Variants in ROBO2 observed in about 807,000 individuals in gnomAD.
ROBO2 encodes the protein roundabout homolog 2.
A neutral mutation model predicts 160.8 loss-of-function variants in ROBO2; 53 were observed. The ratio of observed to expected loss-of-function variants is 0.33; its 90% CI spans 0.26 to 0.41. ROBO2 has a LOEUF of 0.41. Among genes scored for constraint, ROBO2 ranks in the 10% least tolerant of loss-of-function variants. The pLI is 1.00. For synonymous variants in ROBO2, 664 were observed against 611.7 expected (o/e 1.09, Z -1.26); for missense variants, 1,577 against 1,722.4 (o/e 0.92, Z 1.49).
intron 2 of ROBO2, among the ~76,000 whole-genome samples, chr3:77,384,753 T>C (rs2073923418): frequency 6.6e-6 from 1 of 152,152 alleles, no homozygotes; most frequent in Non-Finnish European, 1.5e-5. Context: ...AGTCACAAAG[T>C]ATATATAAAT....
At chr3:76,309,808 A>G (rs1315765830) in intron 2 of ROBO2, among the ~76,000 whole-genome samples, 2 of 152,100 alleles carry the variant, frequency 1.3e-5, no homozygotes, top group East Asian at 3.9e-4. Context: ...CAAAGATTCT[A>G]TCATTTTTAT....
At chr3:76,176,405 G>T (rs2073232646) in intron 2 of ROBO2, among the ~76,000 whole-genome samples, 1 of 152,114 alleles carries the variant, frequency 6.6e-6, no homozygotes, top group African/African-American at 2.4e-5. Flanking sequence ...CAGCTTTCCA[G>T]TTGTTCATAG....
rs189290302 is a variant in ROBO2, at chr3:75,998,377, A to G, written c.109+60775A>G. ...CTCCCTCAGAAAGTTGTGACCAATC[A>G]GGGTTTTAATAGACTGCAGTTTTTG... is the stretch of plus-strand genomic sequence containing the variant. On this transcript the variant is annotated intron_variant, in intron 2 of 26. Coordinates refer to the ROBO2 transcript ENST00000487694. 2.0e-5 allele frequency among the ~76,000 whole-genome samples: 3 copies of G among 152,284 alleles called. No homozygotes were observed. In the East Asian group the frequency reaches 5.8e-4, roughly 29 times the overall value.
At chr3:75,961,192 C>CT (rs927134423) in intron 2 of ROBO2, among the ~76,000 whole-genome samples, 8 of 151,418 alleles carry the variant, frequency 5.3e-5, no homozygotes, top group South Asian at 4.2e-4. Context: ...GAGAATGGCA[C>CT]TTTTTTTTAT....
chr3:76,764,242 C>T (rs928581558), intron 2 of ROBO2, among the ~76,000 whole-genome samples: 1 of 138,850 alleles, frequency 7.2e-6, no homozygotes, highest in Non-Finnish European at 1.5e-5. Context: ...AAACATGTCA[C>T]GGCTAAGTTA....
intron 1 of ROBO2, among the ~76,000 whole-genome samples, chr3:77,060,575 C>A (rs1278986038): frequency 6.6e-6 from 1 of 152,134 alleles, no homozygotes; most frequent in Non-Finnish European, 1.5e-5. Flanking sequence ...ATATTGATCA[C>A]TTTGAGCTAA....
chr3:76,853,680 A>C (rs2069671707), intron 2 of ROBO2, among the ~76,000 whole-genome samples: 1 of 152,138 alleles, frequency 6.6e-6, no homozygotes, highest in African/African-American at 2.4e-5. Context: ...ACCCCCAAAT[A>C]ATCAAAGACC....
At chr3:75,970,331 C>T (rs1452644819) in intron 2 of ROBO2, among the ~76,000 whole-genome samples, 2 of 151,486 alleles carry the variant, frequency 1.3e-5, no homozygotes, top group Non-Finnish European at 3.0e-5. Context: ...GGAGCAAGCA[C>T]ATTTTTGAAG....
intron 2 of ROBO2, among the ~76,000 whole-genome samples, chr3:77,441,663 A>C (rs892167899): frequency 6.6e-6 from 1 of 152,188 alleles, no homozygotes; most frequent in Non-Finnish European, 1.5e-5. Flanking sequence ...CTGAAGAAAA[A>C]TGATCACACA....
intron 2 of ROBO2, among the ~76,000 whole-genome samples, chr3:76,450,355 T>C (rs17014200): frequency 0.047 from 7,140 of 152,310 alleles, 508 homozygotes; most frequent in African/African-American, 0.15. Flanking sequence ...CTTGTATAAC[T>C]AATTTTCAGT....
chr3:76,427,260 C>A (rs575553615), intron 2 of ROBO2, among the ~76,000 whole-genome samples: 17 of 150,988 alleles, frequency 1.1e-4, no homozygotes, highest in African/African-American at 2.9e-4. Context: ...ACCTTTAATG[C>A]CTAAAAAAAA....
At chr3:76,579,786 C>CAAAAAAA (rs5850267) in intron 2 of ROBO2, among the ~76,000 whole-genome samples, 21 of 107,124 alleles carry the variant, frequency 2.0e-4, no homozygotes, top group Non-Finnish European at 3.1e-4. Context: ...GGTTGAGTTA[C>CAAAAAAA]AAAAAAAAAA....
chr3:77,579,810 A>G, intron 15 of ROBO2, 137 bp from the exon 17 acceptor site: 10 of 740,172 alleles, frequency 1.4e-5, no homozygotes, highest in Non-Finnish European at 2.3e-5. Flanking sequence ...GGGCTTTAGA[A>G]GATGTCATTT....
chr3:76,311,180 T>C (rs1490483776), intron 2 of ROBO2: 2 of 152,206 alleles, frequency 1.3e-5, no homozygotes, highest in Admixed American at 1.3e-4. Flanking sequence ...ACTTCAGCTG[T>C]TAAAGATGGC....
rs578049997 is a variant in ROBO2, at chr3:76,621,432, T to C, written c.110-476582T>C. Among the ~76,000 whole-genome samples the C allele has an allele frequency of 3.9e-5, 6 of 152,346 alleles. No individual in the cohort carries two copies. In the East Asian group the frequency reaches 1.2e-3, roughly 29 times the overall value. On this transcript the variant is annotated intron_variant, in intron 2 of 26. Transcript: ENST00000487694. ...TACCCAAATCTCTGCAAATACCACA[T>C]CTTAAAAGGCTGGTAAAGCCAAGAA...
At chr3:76,533,676 T>A (rs964881635) in intron 2 of ROBO2, among the ~76,000 whole-genome samples, 2 of 151,362 alleles carry the variant, frequency 1.3e-5, no homozygotes, top group Non-Finnish European at 2.9e-5. Flanking sequence ...GAAAAGAGAG[T>A]CAGCAAAGGG....
At chr3:76,968,620 T>G (rs2059423258) in intron 2 of ROBO2, among the ~76,000 whole-genome samples, 1 of 152,190 alleles carries the variant, frequency 6.6e-6, no homozygotes, top group Admixed American at 6.5e-5. Flanking sequence ...TCCTACAATT[T>G]TTTATTTCTT....
chr3:77,574,733 C>A lies in ROBO2; in HGVS notation c.2203+3C>A. 1 of 1,605,540 alleles carries A rather than the reference C, an allele frequency of 6.2e-7. No homozygotes were observed. Among genetic ancestry groups the A allele is most frequent in the South Asian group, 1.1e-5 (1 of 90,830 alleles). On this transcript the variant is annotated splice_donor_region_variant and intron_variant, in intron 14 of 25. Coordinates refer to ENST00000461745, the Ensembl canonical transcript of ROBO2. ...AACGGTTCGTACTACTGAAGAAGGT[C>A]AGTATTCAGATTTCGAATATAAATC...
chr3:76,541,610 A>G (rs916261553), intron 2 of ROBO2, among the ~76,000 whole-genome samples: 2 of 152,182 alleles, frequency 1.3e-5, no homozygotes, highest in Admixed American at 6.6e-5. Context: ...AAGAGAGAAG[A>G]GTAAATTGAG....
Sources: allele counts gnomAD v4.1 joint callset (sites outside exome capture counted in the v4.1 genomes callset), GRCh38; gene constraint gnomAD v4.1.1; transcripts MANE v1.5; gene names NCBI Gene and HGNC (gene_info 2026-07-23, HGNC 2026-07-21).